SKAP2: variants seen among roughly 807,000 people sequenced by gnomAD.
SKAP2 encodes the protein src kinase associated phosphoprotein 2, also known as src kinase-associated phosphoprotein 2.
In SKAP2, 28 loss-of-function variants were observed where a neutral mutation model predicts 54.9. The ratio of observed to expected loss-of-function variants is 0.51; its 90% CI spans 0.38 to 0.70. The LOEUF (loss-of-function observed/expected upper bound fraction) is 0.70, where lower values mean the gene tolerates loss of function less well. SKAP2 is among the 30% of genes least tolerant of loss of function. SKAP2 has a pLI of 0.00. For missense variants in SKAP2, 356 were observed against 424.1 expected (o/e 0.84, Z 1.41); for synonymous variants, 137 against 134.3 (o/e 1.02, Z -0.14).
intron 11 of SKAP2, among the ~76,000 whole-genome samples, chr7:26,676,454 G>T (rs1021603225): frequency 6.6e-6 from 1 of 152,144 alleles, no homozygotes; most frequent in Non-Finnish European, 1.5e-5. Context: ...GTCTTTGGAG[G>T]TCTCTGTAGG....
At chr7:26,697,087 TTAGA>T (rs1466078930) in intron 9 of SKAP2, among the ~76,000 whole-genome samples, 4 of 152,116 alleles carry the variant, frequency 2.6e-5, no homozygotes, top group African/African-American at 9.7e-5. Context: ...GAAAGAAACC[TTAGA>T]TAGAATCTTG....
intron 9 of SKAP2, among the ~76,000 whole-genome samples, chr7:26,691,865 G>A (rs141332720): frequency 4.6e-4 from 70 of 152,338 alleles, no homozygotes; most frequent in African/African-American, 1.7e-3. Flanking sequence ...CATAGGGGAA[G>A]AGCTGGGTAG....
intron 4 of SKAP2, among the ~76,000 whole-genome samples, chr7:26,777,476 T>C (rs1196080712): frequency 6.6e-6 from 1 of 152,176 alleles, no homozygotes; most frequent in East Asian, 1.9e-4. Context: ...ATGTGTAGGA[T>C]CCTCAATTAT....
intron 6 of SKAP2, among the ~76,000 whole-genome samples, chr7:26,727,315 C>A (rs1219615652): frequency 1.3e-5 from 2 of 152,012 alleles, no homozygotes; most frequent in African/African-American, 2.4e-5. Context: ...AAACCCACCA[C>A]AAACCTTTGG....
At chr7:26,771,326 A>C (rs1290783893) in intron 4 of SKAP2, among the ~76,000 whole-genome samples, 1 of 152,196 alleles carries the variant, frequency 6.6e-6, no homozygotes, top group Non-Finnish European at 1.5e-5. Context: ...AACAAAAACA[A>C]ATTTGAACTG....
At chr7:26,846,636 T>C (rs1784926710) in intron 3 of SKAP2, among the ~76,000 whole-genome samples, 1 of 152,234 alleles carries the variant, frequency 6.6e-6, no homozygotes, top group South Asian at 2.1e-4. Flanking sequence ...GTTTGGTTTT[T>C]ATGAAAGTCA....
intron 3 of SKAP2, among the ~76,000 whole-genome samples, chr7:26,851,326 TCCA>T (rs1781506572): frequency 6.6e-6 from 1 of 151,100 alleles, no homozygotes; most frequent in African/African-American, 2.4e-5. Flanking sequence ...ACTATATAGT[TCCA>T]TCTACTCCAG....
At chr7:26,864,320 GC>G (rs1562640519) in intron 1 of SKAP2, 42 bp downstream of exon 1, 9 of 1,611,152 alleles carry the variant, frequency 5.6e-6, no homozygotes, top group Non-Finnish European at 7.6e-6. Context: ...CCGTTCCCTC[GC>G]CCCCGCCCCG....
At chr7:26,822,378 T>C (rs569790571) in intron 4 of SKAP2, among the ~76,000 whole-genome samples, 29 of 152,316 alleles carry the variant, frequency 1.9e-4, no homozygotes, top group African/African-American at 6.3e-4. Flanking sequence ...ATATCTGTTA[T>C]GGTGATCTAT....
At chr7:26,850,352 G>A (rs958825255) in intron 3 of SKAP2, among the ~76,000 whole-genome samples, 2 of 152,034 alleles carry the variant, frequency 1.3e-5, no homozygotes, top group Non-Finnish European at 2.9e-5. Context: ...AGGCCAAGGC[G>A]GGTGGTCTCT....
At chr7:26,845,390 T>C (rs1488442482) in intron 3 of SKAP2, among the ~76,000 whole-genome samples, 6 of 152,190 alleles carry the variant, frequency 3.9e-5, no homozygotes, top group Non-Finnish European at 8.8e-5. Context: ...TGCCACTTTG[T>C]GAGCAACTGT....
At chr7:26,801,788 T>G (rs956156466) in intron 4 of SKAP2, among the ~76,000 whole-genome samples, 1 of 152,080 alleles carries the variant, frequency 6.6e-6, no homozygotes, top group East Asian at 1.9e-4. Flanking sequence ...TACCTAGAAA[T>G]TAACTTAAAG....
At chr7:26,835,732 G>A (rs1301268417) in intron 4 of SKAP2, among the ~76,000 whole-genome samples, 1 of 152,226 alleles carries the variant, frequency 6.6e-6, no homozygotes, top group Non-Finnish European at 1.5e-5. Context: ...TTATGGATAG[G>A]AAGAATCAAT....
intron 9 of SKAP2, 147 bp from the exon 10 acceptor site, chr7:26,690,509 C>T: frequency 5.3e-6 from 3 of 567,158 alleles, no homozygotes; most frequent in Non-Finnish European, 9.3e-6. Context: ...ATTCACAGTC[C>T]TTTTTCGACA....
At chr7:26,819,904 C>T (rs1285964417) in intron 4 of SKAP2, among the ~76,000 whole-genome samples, 4 of 151,890 alleles carry the variant, frequency 2.6e-5, no homozygotes, top group African/African-American at 7.2e-5. Flanking sequence ...CTACTGTCTA[C>T]GAGGTGATAA....
At chr7:26,735,952 A>T (rs1161680784) in intron 6 of SKAP2, among the ~76,000 whole-genome samples, 4 of 152,222 alleles carry the variant, frequency 2.6e-5, no homozygotes, top group Admixed American at 2.6e-4. Flanking sequence ...ACCACAAGAA[A>T]CAAATCTAAA....
At chr7:26,809,157 T>C (rs564739552) in intron 4 of SKAP2, among the ~76,000 whole-genome samples, 2 of 152,310 alleles carry the variant, frequency 1.3e-5, no homozygotes, top group South Asian at 2.1e-4. Context: ...CTCACGCCTG[T>C]AATCCCAGCA....
In SKAP2 at chr7:26,844,125, T is replaced by G. The variant is rs761724642; in HGVS notation, c.212A>C (p.Asp71Ala). The G allele has an allele frequency of 1.9e-6, 3 of 1,596,474 alleles. No individual in the cohort carries two copies. In the Admixed American group the frequency reaches 5.0e-5, roughly 27 times the overall value. Reference protein sequence around the residue: ...QEFQDKGDAEDGEEYDDPFAG... With the variant: ...QEFQDKGDAEAGEEYDDPFAG... ...AAAAGGGTCATCATATTCTTCCCCA[T>G]CTTCTGCATCACCTGTTAAAAAAAA... The change falls in exon 4 of 13, where the codon GAT becomes GCT. Residue 71 changes from aspartate (D) to alanine (A), a missense_variant. By Grantham distance (126) the Asp-to-Ala change is moderately radical. Coordinates refer to ENST00000345317, the MANE Select transcript of SKAP2 (RefSeq NM_003930.5).
At chr7:26,671,233 A>G (rs1377860948) in intron 11 of SKAP2, among the ~76,000 whole-genome samples, 1 of 152,122 alleles carries the variant, frequency 6.6e-6, no homozygotes, top group African/African-American at 2.4e-5. Flanking sequence ...AATACTCTTC[A>G]CAAGCATTGT....
Sources: gnomAD v4.1 joint callset for allele counts (sites outside exome capture counted in the v4.1 genomes callset) on GRCh38, gnomAD v4.1.1 for gene constraint, MANE v1.5 for transcripts, NCBI Gene and HGNC (gene_info 2026-07-23, HGNC 2026-07-21) for gene names.